Variants in SIDT1 observed in about 807,000 individuals in gnomAD.
SIDT1 encodes SID1 transmembrane family, member 1.
In SIDT1, 101 loss-of-function variants were observed where a neutral mutation model predicts 107.5. The observed-to-expected ratio is 0.94, with a 90% confidence interval of 0.80 to 1.11. SIDT1 has a LOEUF of 1.11. SIDT1 is among the 50% of genes least tolerant of loss of function. SIDT1 has a pLI of 0.00. For synonymous variants in SIDT1, 395 were observed against 398.2 expected (o/e 0.99, Z 0.10); for missense variants, 1,076 against 1,058.2 (o/e 1.02, Z -0.23).
At chr3:113,612,222 T>A (rs1273177504) in intron 19 of SIDT1, 28 bp downstream of exon 19, 5 of 1,457,012 alleles carry the variant, frequency 3.4e-6, no homozygotes, top group Non-Finnish European at 4.8e-6. Flanking sequence ...TCTATACTAA[T>A]CACACGAATC....
rs766979488 is a variant in SIDT1, at chr3:113,627,710, C to T, written c.*2C>T. The T allele has an allele frequency of 3.1e-5, 50 of 1,613,174 alleles. No individual in the cohort carries two copies. The South Asian group carries it at 5.4e-4, about 17-fold the overall frequency. On this transcript the variant is annotated 3_prime_UTR_variant, in exon 25 of 25. Coordinates refer to ENST00000264852, the MANE Select transcript of SIDT1 (RefSeq NM_017699.3). ...AGAGACCAGATCCCTGTCTTCTGAA[C>T]CTCCAACATTAAGAGAGGGGAGGGA...
At chr3:113,564,309 AC>A (rs1420064121) in intron 1 of SIDT1, among the ~76,000 whole-genome samples, 2 of 152,232 alleles carry the variant, frequency 1.3e-5, no homozygotes, top group Non-Finnish European at 2.9e-5. Flanking sequence ...GAAATAAAAT[AC>A]ATTTGTTAAC....
chr3:113,541,833 A>C (rs551485555), intron 1 of SIDT1, among the ~76,000 whole-genome samples: 1 of 150,920 alleles, frequency 6.6e-6, no homozygotes. Flanking sequence ...CTTATAAGTA[A>C]CTTTACTACC....
intron 4 of SIDT1, among the ~76,000 whole-genome samples, chr3:113,577,413 T>TA (rs1942988591): frequency 6.6e-6 from 1 of 152,178 alleles, no homozygotes; most frequent in African/African-American, 2.4e-5. Flanking sequence ...GACCTGGAAA[T>TA]ACAACGAAAA....
chr3:113,600,953 G>A (rs566170027), intron 10 of SIDT1, among the ~76,000 whole-genome samples: 2 of 152,214 alleles, frequency 1.3e-5, no homozygotes, highest in Non-Finnish European at 2.9e-5. Context: ...GCCAAGATCT[G>A]TGTGCTAAGG....
chr3:113,608,605 T>C, intron 17 of SIDT1, 69 bp downstream of exon 17: 1 of 1,130,716 alleles, frequency 8.8e-7, no homozygotes, highest in Non-Finnish European at 1.3e-6. Flanking sequence ...TCCCCAAAAA[T>C]GCCAAAGTCA....
At chr3:113,542,610 A>C (rs1480064267) in intron 1 of SIDT1, among the ~76,000 whole-genome samples, 2 of 152,128 alleles carry the variant, frequency 1.3e-5, no homozygotes, top group Admixed American at 1.3e-4. Flanking sequence ...ACATAACTGC[A>C]ATCCTTATCT....
At chr3:113,622,055 C>T (rs1389797709) in intron 21 of SIDT1, among the ~76,000 whole-genome samples, 2 of 151,900 alleles carry the variant, frequency 1.3e-5, no homozygotes, top group African/African-American at 2.4e-5. Context: ...AGTGAGGCAC[C>T]GATCTAAAAT....
chr3:113,601,305 T>C (rs1944941232), intron 10 of SIDT1: 1 of 272,130 alleles, frequency 3.7e-6, no homozygotes, highest in Non-Finnish European at 6.9e-6. Context: ...TACTGAAATT[T>C]GAATTTCGTA....
chr3:113,566,787 C>T (rs565699971), intron 2 of SIDT1, among the ~76,000 whole-genome samples: 18 of 152,244 alleles, frequency 1.2e-4, no homozygotes, highest in African/African-American at 4.3e-4. Flanking sequence ...AAAAACATAC[C>T]GTGATCCTCT....
chr3:113,601,938 T>C, intron 11 of SIDT1: 1 of 332,170 alleles, frequency 3.0e-6, no homozygotes, highest in Non-Finnish European at 5.5e-6. Flanking sequence ...AGGGACTTTT[T>C]CATATCCAGC....
chr3:113,598,428 C>G (rs1282943724), intron 10 of SIDT1, among the ~76,000 whole-genome samples: 1 of 152,236 alleles, frequency 6.6e-6, no homozygotes, highest in East Asian at 1.9e-4. Context: ...CCTGCTACAA[C>G]TGACCTCCAG....
intron 15 of SIDT1, 79 bp downstream of exon 15, chr3:113,607,193 A>C (rs1417616260): frequency 1.0e-6 from 1 of 977,628 alleles, no homozygotes; most frequent in Non-Finnish European, 1.6e-6. Context: ...GTTTTTAAAA[A>C]TACTAAAAAC....
intron 1 of SIDT1, among the ~76,000 whole-genome samples, chr3:113,556,753 A>G (rs1219674240): frequency 2.6e-5 from 4 of 151,762 alleles, no homozygotes; most frequent in Non-Finnish European, 5.9e-5. Context: ...ATCCTGCTGG[A>G]AAGTTCCTAG....
intron 1 of SIDT1, among the ~76,000 whole-genome samples, chr3:113,535,294 AG>A (rs1938007054): frequency 6.6e-6 from 1 of 151,998 alleles, no homozygotes; most frequent in Non-Finnish European, 1.5e-5. Context: ...TTTTTTTTAA[AG>A]AAAAGAGAGG....
intron 10 of SIDT1, chr3:113,601,313 G>A (rs866342613): frequency 2.0e-4 from 57 of 282,158 alleles, no homozygotes; most frequent in South Asian, 1.4e-3. Flanking sequence ...TTTGAATTTC[G>A]TATCATTTTT....
At position 113,608,471 on chromosome 3, in the gene SIDT1, T is replaced by C. The variant is rs1264170075; in HGVS notation, c.1655T>C (p.Leu552Ser). 2 of 1,614,010 alleles carry C rather than the reference T, an allele frequency of 1.2e-6. No individual in the cohort carries two copies. The highest frequency in any genetic ancestry group is 1.7e-6 in the Non-Finnish European group (2 of 1,179,982). ...FGLFYAMGIA[L>S]MMEGVLSACY... is the part of the protein sequence containing the mutation. The stretch of plus-strand genomic sequence containing the variant: ...CTCTTCTACGCTATGGGCATTGCAT[T>C]GATGATGGAAGGGGTGCTCAGTGCT... The change falls in exon 17 of 25, where the codon TTG becomes TCG. Residue 552 changes from leucine (L) to serine (S), a missense_variant. Coordinates refer to ENST00000264852, the MANE Select transcript of SIDT1 (RefSeq NM_017699.3).
intron 1 of SIDT1, among the ~76,000 whole-genome samples, chr3:113,536,555 G>A (rs1938194408): frequency 6.6e-6 from 1 of 152,144 alleles, no homozygotes; most frequent in Admixed American, 6.6e-5. Flanking sequence ...TCTAAGTTTA[G>A]GCTTAAAGAC....
intron 6 of SIDT1, among the ~76,000 whole-genome samples, chr3:113,582,506 C>T (rs541780922): frequency 6.6e-6 from 1 of 152,180 alleles, no homozygotes; most frequent in South Asian, 2.1e-4. Flanking sequence ...ATTATGTGGT[C>T]CCAAATAAAA....
Sources: gnomAD v4.1 joint callset for allele counts (sites outside exome capture counted in the v4.1 genomes callset) on GRCh38, gnomAD v4.1.1 for gene constraint, MANE v1.5 for transcripts, NCBI Gene and HGNC (gene_info 2026-07-23, HGNC 2026-07-21) for gene names.